CACNA1A: variants seen among roughly 807,000 people sequenced by gnomAD.
The protein encoded by CACNA1A is calcium voltage-gated channel subunit alpha1 A, also known as voltage-dependent P/Q-type calcium channel subunit alpha-1A.
Under a neutral mutation model 262.4 loss-of-function variants are expected in CACNA1A, and 57 were observed. The observed-to-expected ratio is 0.22, with a 90% CI of 0.18 to 0.27. The LOEUF (loss-of-function observed/expected upper bound fraction) is 0.27, where lower values mean the gene tolerates loss of function less well. Ranked by LOEUF, CACNA1A falls within the 10% of genes least tolerant of loss-of-function variation. The pLI is 1.00. For synonymous variants in CACNA1A, 1,431 were observed against 1,419.3 expected (o/e 1.01, Z -0.18); for missense variants, 2,526 against 3,562.8 (o/e 0.71, Z 7.41).
At chr19:13,336,590 A>AGAGG (rs1228457552) in intron 6 of CACNA1A, among the ~76,000 whole-genome samples, 72 of 86,836 alleles carry the variant, frequency 8.3e-4, no homozygotes, top group Middle Eastern at 5.0e-3. Flanking sequence ...ACAGAGAGAG[A>AGAGG]GAGGGAGAGA....
At chr19:13,230,481 CAG>C (rs1275074946) in intron 35 of CACNA1A, among the ~76,000 whole-genome samples, 3 of 151,988 alleles carry the variant, frequency 2.0e-5, no homozygotes, top group East Asian at 3.9e-4. Context: ...AAGAGAGAAA[CAG>C]AGAGAGATGG....
intron 6 of CACNA1A, among the ~76,000 whole-genome samples, chr19:13,348,950 G>C (rs1335630417): frequency 6.8e-6 from 1 of 147,946 alleles, no homozygotes; most frequent in Non-Finnish European, 1.5e-5. Flanking sequence ...GGAGGTTGTA[G>C]TGAGCCGAGA....
At chr19:13,282,405 C>T (rs2057312767) in intron 22 of CACNA1A, among the ~76,000 whole-genome samples, 1 of 152,114 alleles carries the variant, frequency 6.6e-6, no homozygotes, top group African/African-American at 2.4e-5. Flanking sequence ...AAGCCTCTGC[C>T]CGCAGCCCAT....
intron 3 of CACNA1A, among the ~76,000 whole-genome samples, chr19:13,406,467 A>ATT (rs1230416390): frequency 9.3e-5 from 1 of 10,774 alleles, no homozygotes; most frequent in East Asian, 3.4e-3. Flanking sequence ...AAAAAAAATT[A>ATT]TATATATATA....
intron 3 of CACNA1A, among the ~76,000 whole-genome samples, chr19:13,399,452 G>A (rs1322274142): frequency 1.3e-5 from 2 of 150,974 alleles, no homozygotes; most frequent in Non-Finnish European, 2.9e-5. Context: ...AAAAAGCCCA[G>A]AAGAGATGTA....
intron 31 of CACNA1A, among the ~76,000 whole-genome samples, chr19:13,243,346 A>T (rs931683375): frequency 6.6e-6 from 1 of 152,140 alleles, no homozygotes; most frequent in Non-Finnish European, 1.5e-5. Context: ...GCCGTAGGAC[A>T]TATCAAAGAA....
Position 13,207,254 on chromosome 19 carries a change from C to CGGGTGGGGTGTGTGCGTGGGGT in CACNA1A, c.*37_*58dup. ...CCCCCGCGGCCTCTGCGCGGCTCCT[C>CGGGTGGGGTGTGTGCGTGGGGT]GGGTGGGGTGTGTGCGTGGGGTGCG... On this transcript the variant is annotated 3_prime_UTR_variant, in exon 47 of 47. Transcript: ENST00000360228. The surrounding 1 kb of genome is among the most constrained non-coding windows in gnomAD (Gnocchi z 5.7). 6.9e-7 allele frequency: 1 copy of CGGGTGGGGTGTGTGCGTGGGGT among 1,459,714 alleles called. No individual in the cohort carries two copies. Among genetic ancestry groups the CGGGTGGGGTGTGTGCGTGGGGT allele is most frequent in the South Asian group, 1.3e-5 (1 of 76,944 alleles). 90.4% of individuals were successfully genotyped at this position (1,459,714 alleles called of 1,614,324 possible).
chr19:13,247,044 G>C (rs183396094), intron 30 of CACNA1A, among the ~76,000 whole-genome samples: 1 of 152,308 alleles, frequency 6.6e-6, no homozygotes, highest in Non-Finnish European at 1.5e-5. Flanking sequence ...CATGGTGATG[G>C]GTGGCACCCC....
At chr19:13,297,439 T>C (rs1294623201) in intron 19 of CACNA1A, among the ~76,000 whole-genome samples, 1 of 152,136 alleles carries the variant, frequency 6.6e-6, no homozygotes, top group Non-Finnish European at 1.5e-5. Context: ...TTTGGGAGAC[T>C]GAGGTGGGAT....
chr19:13,347,361 C>T (rs891229450), intron 6 of CACNA1A, among the ~76,000 whole-genome samples: 2 of 151,956 alleles, frequency 1.3e-5, no homozygotes, highest in Non-Finnish European at 2.9e-5. Flanking sequence ...CCACGGTGCC[C>T]GGCCATTCGG....
intron 19 of CACNA1A, among the ~76,000 whole-genome samples, chr19:13,293,228 G>A (rs147323760): frequency 1.1e-3 from 172 of 151,920 alleles, no homozygotes; most frequent in Non-Finnish European, 1.9e-3. Flanking sequence ...ATTAATAATA[G>A]CTAACATGGC....
intron 1 of CACNA1A, among the ~76,000 whole-genome samples, chr19:13,483,225 G>C (rs1363146235): frequency 6.6e-6 from 1 of 152,124 alleles, no homozygotes; most frequent in Non-Finnish European, 1.5e-5. Context: ...TGGAGCCACA[G>C]ATGGAAAGAG....
chr19:13,422,151 T>C (rs1430623330), intron 3 of CACNA1A, among the ~76,000 whole-genome samples: 1 of 151,824 alleles, frequency 6.6e-6, no homozygotes, highest in African/African-American at 2.4e-5. Context: ...TGAGAACCCA[T>C]CTTTACTAAA....
intron 6 of CACNA1A, among the ~76,000 whole-genome samples, chr19:13,346,558 A>T (rs1036121320): frequency 2.1e-5 from 3 of 144,048 alleles, no homozygotes; most frequent in African/African-American, 5.3e-5. Flanking sequence ...ATTAATTGAC[A>T]TTCACCAAGG....
At chr19:13,278,735 G>C (rs564471830) in intron 22 of CACNA1A, among the ~76,000 whole-genome samples, 1 of 152,326 alleles carries the variant, frequency 6.6e-6, no homozygotes, top group East Asian at 1.9e-4. Context: ...AATGTTTGTT[G>C]AATGAATGCA....
intron 12 of CACNA1A, among the ~76,000 whole-genome samples, chr19:13,312,303 A>G (rs913080448): frequency 6.6e-6 from 1 of 152,242 alleles, no homozygotes; most frequent in African/African-American, 2.4e-5. Context: ...TGAGCTACAA[A>G]GGAAAAGAAG....
intron 10 of CACNA1A, among the ~76,000 whole-genome samples, chr19:13,323,046 C>T (rs563776918): frequency 3.5e-4 from 53 of 152,220 alleles, no homozygotes; most frequent in African/African-American, 1.3e-3. Context: ...CCAAGGAGGG[C>T]AGATCATTTG....
At chr19:13,414,655 A>G (rs1256805033) in intron 3 of CACNA1A, among the ~76,000 whole-genome samples, 1 of 152,142 alleles carries the variant, frequency 6.6e-6, no homozygotes, top group African/African-American at 2.4e-5. Context: ...GGCTGAGAAC[A>G]CACTCAAGAA....
Position 13,373,704 on chromosome 19 carries a change from C to T in CACNA1A, c.540-1925G>A, listed in dbSNP as rs112490459. 9.2e-3 allele frequency among the ~76,000 whole-genome samples: 1,397 copies of T among 152,304 alleles called. 23 individuals carry two copies. Among genetic ancestry groups the T allele is most frequent in the African/African-American group, 0.032 (1,336 of 41,570 alleles). ...TGTTTCAGGATCTATTCTGGGTCATCCTAAACTAACACAAAGCAAGTTCCC... is the reference window on the plus strand; with the variant it reads ...TGTTTCAGGATCTATTCTGGGTCATTCTAAACTAACACAAAGCAAGTTCCC... On this transcript the variant is annotated intron_variant, in intron 3 of 46. Coordinates refer to ENST00000360228, the MANE Select transcript of CACNA1A (RefSeq NM_001127222.2).
Sources: gnomAD v4.1 joint callset for allele counts (sites outside exome capture counted in the v4.1 genomes callset) on GRCh38, gnomAD v4.1.1 for gene constraint, Gnocchi (gnomAD v3.1) non-coding constraint, MANE v1.5 for transcripts, NCBI Gene and HGNC (gene_info 2026-07-23, HGNC 2026-07-21) for gene names.